The following SEC31A variants were observed in gnomAD, a reference collection of about 807,000 sequenced individuals.
SEC31A encodes SEC31 homolog A, COPII component.
In SEC31A, 70 loss-of-function variants were observed where a neutral mutation model predicts 151.0. That is an observed-to-expected ratio of 0.46 (90% CI 0.38 to 0.57). The LOEUF is 0.57. Ranked by LOEUF, SEC31A falls within the 20% of genes least tolerant of loss-of-function variation. The pLI is 0.00. For missense variants in SEC31A, 1,330 were observed against 1,471.2 expected (o/e 0.90, Z 1.57); for synonymous variants, 475 against 505.9 (o/e 0.94, Z 0.82).
intron 7 of SEC31A, chr4:82,871,274 C>T (rs1002782420): frequency 2.9e-6 from 4 of 1,359,406 alleles, no homozygotes; most frequent in Admixed American, 3.0e-5. Context: ...ACAAATTATC[C>T]TATTTGTATA....
At chr4:82,874,558 A>AG (rs1176252649) in intron 6 of SEC31A, 53 bp downstream of exon 6, 1 of 1,500,538 alleles carries the variant, frequency 6.7e-7, no homozygotes, top group Admixed American at 2.5e-5. Context: ...ACAATATAGG[A>AG]ATACCTACAG....
chr4:82,878,992 A>G (rs1199511366), intron 3 of SEC31A, 64 bp from the exon 4 acceptor site: 1 of 1,209,282 alleles, frequency 8.3e-7, no homozygotes, highest in Admixed American at 2.0e-5. Context: ...CAAAAAATTG[A>G]AATTATACAC....
chr4:82,828,776 G>A (rs1725235689), intron 23 of SEC31A, among the ~76,000 whole-genome samples: 3 of 151,272 alleles, frequency 2.0e-5, no homozygotes. Flanking sequence ...TTCTAAAGGG[G>A]CTTTAATTTA....
intron 22 of SEC31A, among the ~76,000 whole-genome samples, chr4:82,832,252 C>T (rs775959068): frequency 9.2e-5 from 14 of 152,106 alleles, no homozygotes; most frequent in Non-Finnish European, 1.6e-4. Flanking sequence ...GAAATACCAC[C>T]ACACATCTAC....
At chr4:82,866,115 G>A (rs552168228) in intron 10 of SEC31A, among the ~76,000 whole-genome samples, 5 of 150,376 alleles carry the variant, frequency 3.3e-5, no homozygotes, top group African/African-American at 1.2e-4. Context: ...GGGAGGGAGG[G>A]AGGGAAAGAG....
chr4:82,890,603 A>C (rs17006357), intron 1 of SEC31A: 3,621 of 350,784 alleles, frequency 0.01, 135 homozygotes, highest in African/African-American at 0.073. Context: ...CACCGTCCTT[A>C]AAATAATCCT....
At chr4:82,829,341 C>A (rs1365776862) in intron 22 of SEC31A, 1 of 303,536 alleles carries the variant, frequency 3.3e-6, no homozygotes, top group Non-Finnish European at 6.1e-6. Flanking sequence ...TTTATTTATA[C>A]TGGTGTATGA....
chr4:82,819,351 G>C, intron 26 of SEC31A, 98 bp from the exon 27 acceptor site: 1 of 883,904 alleles, frequency 1.1e-6, no homozygotes, highest in Non-Finnish European at 1.6e-6. Flanking sequence ...AGTGGAATTT[G>C]AAACAAACAT....
chr4:82,840,875 G>C lies in SEC31A; in HGVS notation c.2968+1265C>G, dbSNP rs549910611. On this transcript the variant is annotated intron_variant, in intron 22 of 26. Coordinates refer to ENST00000395310, the MANE Select transcript of SEC31A (RefSeq NM_001077207.4). ...CACTCACCACAAATGAACCTTAGAG[G>C]ACTGGAAGATGCTCTGGGTGAGTTG... is the stretch of plus-strand genomic sequence containing the variant. 5.3e-5 allele frequency among the ~76,000 whole-genome samples: 8 copies of C among 152,288 alleles called. No individual in the cohort carries two copies. The East Asian group carries it at 1.2e-3, about 22-fold the overall frequency.
intron 20 of SEC31A, among the ~76,000 whole-genome samples, chr4:82,845,958 C>T (rs545701164): frequency 1.3e-5 from 2 of 152,212 alleles, no homozygotes; most frequent in African/African-American, 2.4e-5. Context: ...TTCTATACTA[C>T]ACCATGTTGC....
intron 18 of SEC31A, 34 bp downstream of exon 18, chr4:82,853,536 A>C: frequency 6.5e-7 from 1 of 1,529,980 alleles, no homozygotes; most frequent in Non-Finnish European, 8.7e-7. Flanking sequence ...AGACAACACT[A>C]AAAATTAAGT....
At chr4:82,858,963 A>C (rs1733446009) in intron 14 of SEC31A, among the ~76,000 whole-genome samples, 1 of 152,120 alleles carries the variant, frequency 6.6e-6, no homozygotes, top group Non-Finnish European at 1.5e-5. Flanking sequence ...GGCCTCCCAA[A>C]GTGCTGGGAT....
intron 14 of SEC31A, among the ~76,000 whole-genome samples, chr4:82,860,726 T>G (rs1733943555): frequency 6.6e-6 from 1 of 151,972 alleles, no homozygotes; most frequent in African/African-American, 2.4e-5. Flanking sequence ...CCTCCCACCT[T>G]GGCCTCCCAA....
chr4:82,853,480 G>GA (rs1424136796), intron 18 of SEC31A, 90 bp downstream of exon 18: 4 of 1,150,652 alleles, frequency 3.5e-6, no homozygotes, highest in Admixed American at 2.9e-5. Flanking sequence ...TGAATGTATA[G>GA]AAAAAATGAA....
chr4:82,890,201 C>CAAAA, intron 1 of SEC31A, among the ~76,000 whole-genome samples: 2 of 74,922 alleles, frequency 2.7e-5, no homozygotes, highest in Admixed American at 3.4e-4. Context: ...GACTCCGTCT[C>CAAAA]AAAAAAAAAA....
At chr4:82,853,774 G>A (rs1731951278) in intron 17 of SEC31A, 59 bp from the exon 18 acceptor site, 1 of 1,339,084 alleles carries the variant, frequency 7.5e-7, no homozygotes, top group Non-Finnish European at 1.0e-6. Context: ...ATATGAGGCT[G>A]TGAGCAGCTA....
chr4:82,891,524 G>C (rs924103170), upstream of SEC31A, among the ~76,000 whole-genome samples: 1 of 152,246 alleles, frequency 6.6e-6, no homozygotes, highest in Non-Finnish European at 1.5e-5. Flanking sequence ...AGTCCTGTGA[G>C]GCGTCGGCAG....
At chr4:82,821,286 C>T (rs1023975143) in intron 25 of SEC31A, 178 bp from the exon 26 acceptor site, 24 of 552,256 alleles carry the variant, frequency 4.3e-5, no homozygotes, top group Admixed American at 1.6e-4. Flanking sequence ...TGGTGGCTCA[C>T]GCCTGTAATC....
At chr4:82,826,612 C>T (rs1406305367) in intron 24 of SEC31A, among the ~76,000 whole-genome samples, 1 of 152,204 alleles carries the variant, frequency 6.6e-6, no homozygotes, top group Non-Finnish European at 1.5e-5. Flanking sequence ...CTCGGCTTCC[C>T]AAAGCATTGG....
Sources: gnomAD v4.1 joint callset for allele counts (sites outside exome capture counted in the v4.1 genomes callset) on GRCh38, gnomAD v4.1.1 for gene constraint, MANE v1.5 for transcripts, NCBI Gene and HGNC (gene_info 2026-07-23, HGNC 2026-07-21) for gene names.